The following ZYG11B variants were observed in gnomAD, a reference collection of about 807,000 sequenced individuals.
The protein encoded by ZYG11B is zyg-11 family member B, cell cycle regulator, also known as protein zyg-11 homolog B.
A neutral mutation model predicts 82.4 loss-of-function variants in ZYG11B; 36 were observed. That is an observed-to-expected ratio of 0.44 (90% CI 0.33 to 0.58). The LOEUF is 0.58. Ranked by LOEUF, ZYG11B falls within the 20% of genes least tolerant of loss-of-function variation. The pLI is 0.02. For missense variants in ZYG11B, 552 were observed against 895.6 expected, an observed-to-expected ratio of 0.62 and a Z score of 4.90; for synonymous variants, 303 against 312.8, an observed-to-expected ratio of 0.97 and a Z score of 0.33.
intron 1 of ZYG11B, among the ~76,000 whole-genome samples, chr1:52,740,595 TCTC>T: frequency 7.1e-6 from 1 of 141,304 alleles, no homozygotes; most frequent in South Asian, 2.3e-4. Context: ...TGAGACAGGG[TCTC>T]TGTCACCCAG....
intron 2 of ZYG11B, among the ~76,000 whole-genome samples, chr1:52,761,885 C>G (rs1233992498): frequency 6.6e-6 from 1 of 151,852 alleles, no homozygotes; most frequent in Non-Finnish European, 1.5e-5. Flanking sequence ...GAGATAATAC[C>G]TTGTTTTGAT....
chr1:52,735,086 A>G (rs965314741), intron 1 of ZYG11B, among the ~76,000 whole-genome samples: 5 of 147,060 alleles, frequency 3.4e-5, no homozygotes, highest in African/African-American at 1.0e-4. Flanking sequence ...GCTGGAGTGC[A>G]ATGGCGCGAT....
intron 1 of ZYG11B, among the ~76,000 whole-genome samples, chr1:52,732,714 G>A (rs541691062): frequency 4.6e-5 from 7 of 151,880 alleles, no homozygotes; most frequent in Non-Finnish European, 1.0e-4. Flanking sequence ...GCAGTGAGCC[G>A]AGATTGTGCC....
At chr1:52,734,439 GGTT>G (rs1644360601) in intron 1 of ZYG11B, among the ~76,000 whole-genome samples, 1 of 109,344 alleles carries the variant, frequency 9.1e-6, no homozygotes, top group Non-Finnish European at 1.9e-5. Context: ...TGGAATAAAA[GGTT>G]TTTTTTTTTA....
At chr1:52,751,332 TA>T (rs201206768) in intron 1 of ZYG11B, among the ~76,000 whole-genome samples, 15,205 of 141,202 alleles carry the variant, frequency 0.11, 1,689 homozygotes, top group East Asian at 0.35. Context: ...ATGATATAGT[TA>T]AAAAAAAAAA....
intron 13 of ZYG11B, among the ~76,000 whole-genome samples, chr1:52,817,789 A>ATATATG (rs1645241548): frequency 6.1e-5 from 2 of 32,664 alleles, no homozygotes; most frequent in Non-Finnish European, 6.8e-5. Context: ...ATATATATAT[A>ATATATG]TATATATATA....
chr1:52,806,874 A>ATT (rs112225804), intron 10 of ZYG11B, among the ~76,000 whole-genome samples: 24 of 146,508 alleles, frequency 1.6e-4, no homozygotes, highest in East Asian at 8.0e-4. Flanking sequence ...GTACAATGTA[A>ATT]TTTTTTTTTT....
At position 52,786,953 on chromosome 1, in the gene ZYG11B, G is replaced by A. The variant is rs148469166; in HGVS notation, c.1269+1900G>A. 1.4e-4 allele frequency among the ~76,000 whole-genome samples: 21 copies of A among 152,212 alleles called. 1 individual carries two copies. The East Asian group carries it at 4.0e-3, about 29-fold the overall frequency. The stretch of plus-strand genomic sequence containing the variant: ...TAAAAATACAATATTAGCTGGGCGT[G>A]GTGGCGCATGCTTATAATCCCAGCT... On this transcript the variant is annotated intron_variant, in intron 5 of 13. Transcript: ENST00000294353.
intron 12 of ZYG11B, among the ~76,000 whole-genome samples, chr1:52,815,522 A>G (rs1322887097): frequency 2.6e-5 from 4 of 152,110 alleles, no homozygotes; most frequent in Admixed American, 2.6e-4. Flanking sequence ...TGGGAGGCTA[A>G]GGTGGGAGAA....
intron 1 of ZYG11B, among the ~76,000 whole-genome samples, chr1:52,735,710 T>C (rs1644373346): frequency 1.3e-5 from 2 of 152,096 alleles, no homozygotes; most frequent in South Asian, 4.2e-4. Flanking sequence ...CTAATTTTTG[T>C]ATTTTTTAGA....
chr1:52,809,476 C>T (rs1184386243), intron 10 of ZYG11B, among the ~76,000 whole-genome samples: 5 of 152,072 alleles, frequency 3.3e-5, no homozygotes, highest in Admixed American at 2.0e-4. Context: ...TGTGAGCCAC[C>T]GCGCCCGGCC....
rs1645095426 is a variant in ZYG11B, at chr1:52,803,109, TATATATATACACAC to T, written c.1695+980_1695+993del. Among the ~76,000 whole-genome samples the T allele has an allele frequency of 2.0e-4, 18 of 90,618 alleles. 1 individual carries two copies. The highest frequency in any genetic ancestry group is 5.2e-4 in the African/African-American group (7 of 13,370). 59.4% of individuals were successfully genotyped at this position (90,618 alleles called of 152,430 possible). A position where few individuals can be genotyped will look rare whatever the true frequency, so the allele number is the denominator to read the frequency against. On this transcript the variant is annotated intron_variant, in intron 10 of 13. Transcript: ENST00000294353. ...ACACATATATATATACATATATATA[TATATATATACACAC>T]ATATATATATACACACATATATATA...
intron 2 of ZYG11B, among the ~76,000 whole-genome samples, chr1:52,768,151 A>G (rs1346179502): frequency 6.6e-6 from 1 of 152,098 alleles, no homozygotes. Context: ...ACTGTCTACT[A>G]GCTGTTTCCT....
intron 1 of ZYG11B, among the ~76,000 whole-genome samples, chr1:52,739,195 C>CA (rs1644403789): frequency 6.6e-6 from 1 of 151,680 alleles, no homozygotes; most frequent in African/African-American, 2.4e-5. Flanking sequence ...CCATGTTGGC[C>CA]ATGTGGGTCT....
chr1:52,819,236 G>A (rs566904217), intron 13 of ZYG11B, among the ~76,000 whole-genome samples: 7 of 152,092 alleles, frequency 4.6e-5, no homozygotes, highest in African/African-American at 1.7e-4. Context: ...AGGCTTATCC[G>A]GTCCTTCCTA....
intron 2 of ZYG11B, 93 bp from the exon 3 acceptor site, chr1:52,770,927 C>A: frequency 7.4e-7 from 1 of 1,345,154 alleles, no homozygotes; most frequent in Non-Finnish European, 1.0e-6. Flanking sequence ...GATACTGTTA[C>A]ATGGGAGCGC....
At chr1:52,741,578 G>C (rs1644432051) in intron 1 of ZYG11B, among the ~76,000 whole-genome samples, 1 of 152,158 alleles carries the variant, frequency 6.6e-6, no homozygotes, top group Admixed American at 6.6e-5. Flanking sequence ...ATTCATGCTT[G>C]ACTTTTCATT....
chr1:52,748,097 T>C (rs1644491589), intron 1 of ZYG11B, among the ~76,000 whole-genome samples: 1 of 152,204 alleles, frequency 6.6e-6, no homozygotes, highest in Non-Finnish European at 1.5e-5. Flanking sequence ...AACTTTGGCC[T>C]CATTCTTGTG....
At chr1:52,761,731 T>C (rs1049657995) in intron 2 of ZYG11B, among the ~76,000 whole-genome samples, 1 of 152,230 alleles carries the variant, frequency 6.6e-6, no homozygotes. Flanking sequence ...ATGGTAGTTC[T>C]ATTTGTAGTT....
Sources: allele counts gnomAD v4.1 joint callset (sites outside exome capture counted in the v4.1 genomes callset), GRCh38; gene constraint gnomAD v4.1.1; transcripts MANE v1.5; gene names NCBI Gene and HGNC (gene_info 2026-07-23, HGNC 2026-07-21).